DAP3: variants seen among roughly 807,000 people sequenced by gnomAD.
DAP3 encodes the protein death associated protein 3, also known as small ribosomal subunit protein mS29.
In DAP3, 28 loss-of-function variants were observed where a neutral mutation model predicts 51.9. The ratio of observed to expected loss-of-function variants is 0.54; its 90% CI spans 0.40 to 0.74. The LOEUF is 0.74. DAP3 is among the 30% of genes least tolerant of loss of function. The probability of loss-of-function intolerance (pLI) is 0.00; values close to 1 mark genes in which losing one functional copy is unlikely to be tolerated. For missense variants in DAP3, 458 were observed against 483.5 expected (o/e 0.95, Z 0.49); for synonymous variants, 170 against 170.3 (o/e 1.00, Z 0.01).
At chr1:155,730,446 A>G (rs952375075) in intron 9 of DAP3, among the ~76,000 whole-genome samples, 1 of 151,888 alleles carries the variant, frequency 6.6e-6, no homozygotes, top group Non-Finnish European at 1.5e-5. Context: ...CCCTGTCCCT[A>G]CAAAAAATAT....
intron 2 of DAP3, among the ~76,000 whole-genome samples, chr1:155,714,983 A>C (rs371032018): frequency 1.3e-5 from 2 of 151,570 alleles, no homozygotes; most frequent in African/African-American, 4.9e-5. Flanking sequence ...TGGGAGGACC[A>C]CCTGAGGTCA....
chr1:155,736,097 C>T (rs1659759482), intron 11 of DAP3, among the ~76,000 whole-genome samples: 1 of 152,006 alleles, frequency 6.6e-6, no homozygotes, highest in African/African-American at 2.4e-5. Flanking sequence ...CCTCAGCCTC[C>T]CAAAGTGCTG....
chr1:155,691,547 G>A (rs1653821075), intron 1 of DAP3, among the ~76,000 whole-genome samples: 1 of 141,614 alleles, frequency 7.1e-6, no homozygotes, highest in Admixed American at 6.6e-5. Flanking sequence ...ATACTGCTAC[G>A]AACATTTGTG....
At chr1:155,701,051 T>TG (rs200734357) in intron 1 of DAP3, among the ~76,000 whole-genome samples, 881 of 74,524 alleles carry the variant, frequency 0.012, 17 homozygotes, top group East Asian at 0.098. Flanking sequence ...GGGAGGGAGG[T>TG]GGGGGGGGGT....
At chr1:155,698,539 C>A (rs924550246) in intron 1 of DAP3, among the ~76,000 whole-genome samples, 4 of 152,160 alleles carry the variant, frequency 2.6e-5, no homozygotes, top group Non-Finnish European at 4.4e-5. Context: ...TCTGACTCAG[C>A]CTCATCATCT....
At position 155,738,454 on chromosome 1, in the gene DAP3, T is replaced by G. The variant is rs767540683; in HGVS notation, c.*212T>G. 2 of 442,000 alleles carry G rather than the reference T, an allele frequency of 4.5e-6. No homozygotes were observed. The highest frequency in any genetic ancestry group is 8.0e-6 in the Non-Finnish European group (2 of 250,610). 27.4% of individuals were successfully genotyped at this position (442,000 alleles called of 1,614,324 possible). ...ATTCCCTTGTTCCTAAAACTTTATA[T>G]CAGTTTATTGGATGTGGTTTTTCAC... On this transcript the variant is annotated 3_prime_UTR_variant, in exon 13 of 13. Transcript: ENST00000368336.
chr1:155,699,506 G>A (rs1336730727), intron 1 of DAP3, among the ~76,000 whole-genome samples: 2 of 152,166 alleles, frequency 1.3e-5, no homozygotes, highest in Non-Finnish European at 2.9e-5. Flanking sequence ...GGCACCCCAT[G>A]AGCCTTTTTC....
rs1660014947 is a variant in DAP3 at position 155,738,294 on chromosome 1, C to T, written c.*52C>T. The T allele has an allele frequency of 1.9e-5, 31 of 1,597,410 alleles. No individual in the cohort carries two copies. The highest frequency in any genetic ancestry group is 2.5e-5 in the Non-Finnish European group (29 of 1,166,876). ...CAGTGGACATCTGCTTTATGCTGGA[C>T]CCAGTAAGATGAGGAAGTCGGGCAG... On this transcript the variant is annotated 3_prime_UTR_variant, in exon 13 of 13. Transcript: ENST00000368336.
intron 1 of DAP3, among the ~76,000 whole-genome samples, chr1:155,695,381 C>T (rs773819058): frequency 1.1e-4 from 17 of 152,100 alleles, no homozygotes; most frequent in Non-Finnish European, 2.4e-4. Context: ...GCACTGAGGA[C>T]GATGTTGTAC....
At chr1:155,696,830 A>C (rs1182648340) in intron 1 of DAP3, among the ~76,000 whole-genome samples, 1 of 152,226 alleles carries the variant, frequency 6.6e-6, no homozygotes, top group African/African-American at 2.4e-5. Context: ...GGGATAGTAA[A>C]GGCAAATTTT....
At chr1:155,688,990 G>A, upstream of DAP3, 3 of 1,603,278 alleles carry the variant, frequency 1.9e-6, no homozygotes, top group Non-Finnish European at 1.7e-6. Flanking sequence ...ACCGCGGCGA[G>A]GGGATCGAGG....
intron 7 of DAP3, among the ~76,000 whole-genome samples, 171 bp from the exon 8 acceptor site, chr1:155,728,871 A>AAAAG (rs933352996): frequency 6.6e-6 from 1 of 151,990 alleles, no homozygotes; most frequent in African/African-American, 2.4e-5. Flanking sequence ...AAAAAAAAAA[A>AAAAG]AAAGAAAGAA....
rs1658954672 is a variant in DAP3, at chr1:155,729,315, A to C, written c.792A>C (p.Gly264=). The C allele has an allele frequency of 1.9e-6, 3 of 1,614,066 alleles. No individual in the cohort carries two copies. The highest frequency in any genetic ancestry group is 2.5e-6 in the Non-Finnish European group (3 of 1,180,046). ...TTCACCTCCTAGTGGCCGTGGATGG[A>C]ATCAATGCTCTTTGGGGAAGAACCA... ...GMFHLLVAVD[G]INALWGRTTL... The change falls in exon 9 of 13, where the codon GGA becomes GGC. Residue 264 remains glycine (G), a synonymous_variant. Transcript: ENST00000368336.
At position 155,731,999 on chromosome 1, in the gene DAP3, G is replaced by A. The variant is rs759857997; in HGVS notation, c.959G>A (p.Arg320Gln). 4 of 1,611,626 alleles carry A rather than the reference G, an allele frequency of 2.5e-6. No individual in the cohort carries two copies. Among genetic ancestry groups the A allele is most frequent in the South Asian group, 1.1e-5 (1 of 90,520 alleles). The change falls in exon 11 of 13, where the codon CGG (arginine) becomes CAG (glutamine). Residue 320 changes from arginine (R) to glutamine (Q), a missense_variant. By Grantham distance (43) the Arg-to-Gln change is conservative. Transcript: ENST00000368336. ...LSQTGSLFKP[R>Q]KAYLPQELLG... The stretch of plus-strand genomic sequence containing the variant: ...CAGACTGGGTCTCTCTTTAAGCCCC[G>A]GAAAGCCTATCTGCCCCAGGAGTTG...
Position 155,717,184 on chromosome 1 carries a change from C to A in DAP3, c.168+56C>A. The A allele has an allele frequency of 1.9e-6, 3 of 1,581,608 alleles. No homozygotes were observed. The South Asian group carries it at 3.5e-5, about 18-fold the overall frequency. Reference sequence around the variant, plus strand: ...CAGGGCTTATGATTTGTGTTCCTGTCCTCATTTTGCATAGGAAAACTGAAA... The same window carrying A: ...CAGGGCTTATGATTTGTGTTCCTGTACTCATTTTGCATAGGAAAACTGAAA... On this transcript the variant is annotated intron_variant, in intron 3 of 12. Coordinates refer to ENST00000368336, the MANE Select transcript of DAP3 (RefSeq NM_004632.4).
chr1:155,697,211 G>C (rs1654641302), intron 1 of DAP3, among the ~76,000 whole-genome samples: 1 of 152,116 alleles, frequency 6.6e-6, no homozygotes, highest in South Asian at 2.1e-4. Context: ...CTGCAGGTTG[G>C]GCAGTAATGG....
chr1:155,713,090 A>G (rs1364990516), intron 2 of DAP3, among the ~76,000 whole-genome samples: 4 of 152,194 alleles, frequency 2.6e-5, no homozygotes, highest in Non-Finnish European at 5.9e-5. Flanking sequence ...TGAAGTCTGG[A>G]TGGAGGGACA....
At chr1:155,688,090 G>C (rs1280109360), upstream of DAP3, 3 of 1,594,246 alleles carry the variant, frequency 1.9e-6, no homozygotes, top group Non-Finnish European at 2.6e-6. Flanking sequence ...GGCCGAGAGC[G>C]ATGAGAGTAC....
intron 1 of DAP3, among the ~76,000 whole-genome samples, chr1:155,692,024 G>T (rs1431840719): frequency 7.1e-6 from 1 of 141,702 alleles, no homozygotes; most frequent in Non-Finnish European, 1.5e-5. Context: ...AGAAGCAGAT[G>T]TTCAGGGCGA....
Sources: allele counts gnomAD v4.1 joint callset (sites outside exome capture counted in the v4.1 genomes callset), GRCh38; gene constraint gnomAD v4.1.1; transcripts MANE v1.5; gene names NCBI Gene and HGNC (gene_info 2026-07-23, HGNC 2026-07-21).